GPHN: variants seen among roughly 807,000 people sequenced by gnomAD.
The protein encoded by GPHN is gephyrin.
A neutral mutation model predicts 95.5 loss-of-function variants in GPHN; 17 were observed. The observed-to-expected ratio is 0.18, with a 90% CI of 0.12 to 0.27. The LOEUF is 0.27. Among genes scored for constraint, GPHN ranks in the 10% least tolerant of loss-of-function variants. The pLI is 1.00. For synonymous variants in GPHN, 320 were observed against 322.5 expected (o/e 0.99, Z 0.08); for missense variants, 660 against 978.1 (o/e 0.67, Z 4.34).
At chr14:67,638,629 C>T in the GPHN span, among the ~76,000 whole-genome samples, 3 of 152,176 alleles carry the variant, frequency 2.0e-5, no homozygotes, top group African/African-American at 4.8e-5. Flanking sequence ...GAGTTGAGTT[C>T]GTTCTTCCTG....
intron 1 of GPHN, among the ~76,000 whole-genome samples, chr14:66,537,479 C>T (rs1252111343): frequency 1.3e-5 from 2 of 152,046 alleles, no homozygotes; most frequent in East Asian, 1.9e-4. Flanking sequence ...TTACCACTTC[C>T]CAAACAATGC....
At chr14:67,380,893 A>G in the GPHN span, 2 of 465,864 alleles carry the variant, frequency 4.3e-6, no homozygotes, top group African/African-American at 4.1e-5. Flanking sequence ...GTTGTTTTTT[A>G]TAACAAAAGC....
chr14:67,598,607 G>A, the GPHN span, among the ~76,000 whole-genome samples: 1 of 151,942 alleles, frequency 6.6e-6, no homozygotes, highest in Non-Finnish European at 1.5e-5. Context: ...ACATACATAG[G>A]CTATAAGAAC....
chr14:67,539,208 T>C, the GPHN span, among the ~76,000 whole-genome samples: 2 of 152,184 alleles, frequency 1.3e-5, no homozygotes, highest in Non-Finnish European at 2.9e-5. Flanking sequence ...CTCCCGGCCT[T>C]CTCTGAGAGC....
chr14:67,531,946 T>G, the GPHN span, among the ~76,000 whole-genome samples: 9 of 149,978 alleles, frequency 6.0e-5, no homozygotes, highest in South Asian at 2.1e-4. Flanking sequence ...ATGAATGAAT[T>G]AATGTCTTCT....
chr14:67,272,857 T>C, the GPHN span, among the ~76,000 whole-genome samples: 1 of 152,068 alleles, frequency 6.6e-6, no homozygotes, highest in Non-Finnish European at 1.5e-5. Context: ...TTTGTAGAGA[T>C]GGGGTATCAC....
intron 2 of GPHN, among the ~76,000 whole-genome samples, chr14:66,720,224 A>C (rs980895848): frequency 4.6e-5 from 7 of 152,188 alleles, no homozygotes; most frequent in Non-Finnish European, 5.9e-5. Context: ...AAGATTGTCT[A>C]AAAATAAAGA....
chr14:66,581,838 G>C (rs1187388344), intron 1 of GPHN, among the ~76,000 whole-genome samples: 2 of 151,914 alleles, frequency 1.3e-5, no homozygotes, highest in African/African-American at 4.8e-5. Flanking sequence ...TTATGAAGAA[G>C]ATATAACAAT....
rs1042333571 is a variant in GPHN, at chr14:66,628,175, A to G, written c.65-52932A>G. 3.3e-5 allele frequency among the ~76,000 whole-genome samples: 5 copies of G among 152,206 alleles called. No homozygotes were observed. In the South Asian group the frequency reaches 1.0e-3, roughly 31 times the overall value. ...AATTGAATAAAGAAAATGCAAAGTT[A>G]TGAAAAACACCAGTACTTTGATTAT... On this transcript the variant is annotated intron_variant, in intron 1 of 22. Transcript: ENST00000478722.
the GPHN span, among the ~76,000 whole-genome samples, chr14:67,206,636 TC>T: frequency 6.6e-6 from 1 of 152,148 alleles, no homozygotes; most frequent in Admixed American, 6.6e-5. Flanking sequence ...TTCAAGATGA[TC>T]TAAGTAGACG....
chr14:67,593,607 AT>A, the GPHN span: 1 of 602,562 alleles, frequency 1.7e-6, no homozygotes, highest in African/African-American at 1.9e-5. Context: ...AACCTGCTGC[AT>A]CTCTTTAAAA....
At chr14:67,651,455 G>C in the GPHN span, 2 of 1,613,952 alleles carry the variant, frequency 1.2e-6, no homozygotes, top group Non-Finnish European at 1.7e-6. Context: ...GATGATAATG[G>C]AAAGCAGCAG....
intron 1 of GPHN, among the ~76,000 whole-genome samples, chr14:66,654,734 T>C (rs921453469): frequency 1.3e-5 from 2 of 152,236 alleles, no homozygotes; most frequent in African/African-American, 2.4e-5. Context: ...TGTCTAGCAC[T>C]ACTCCAGAAG....
At chr14:66,599,255 C>T (rs1437687942) in intron 1 of GPHN, among the ~76,000 whole-genome samples, 3 of 151,840 alleles carry the variant, frequency 2.0e-5, no homozygotes, top group Admixed American at 2.0e-4. Context: ...AAACATGAAT[C>T]CCAAATTTAT....
intron 1 of GPHN, among the ~76,000 whole-genome samples, chr14:66,641,998 AAC>A (rs941677957): frequency 1.3e-5 from 2 of 152,160 alleles, no homozygotes; most frequent in Non-Finnish European, 2.9e-5. Flanking sequence ...CATTTTCTGT[AAC>A]ACAATACTAG....
At chr14:66,562,011 C>T (rs987511209) in intron 1 of GPHN, among the ~76,000 whole-genome samples, 10 of 152,096 alleles carry the variant, frequency 6.6e-5, no homozygotes, top group African/African-American at 2.4e-4. Flanking sequence ...GCCCTATTCT[C>T]TTTCTTTGAA....
chr14:67,039,743 A>T (rs77362986), intron 10 of GPHN, among the ~76,000 whole-genome samples: 1 of 152,198 alleles, frequency 6.6e-6, no homozygotes, highest in South Asian at 2.1e-4. Context: ...CAGTGAGCTG[A>T]GATCAAGCCA....
the GPHN span, among the ~76,000 whole-genome samples, chr14:67,581,281 C>CAA: frequency 6.6e-6 from 1 of 151,616 alleles, no homozygotes; most frequent in African/African-American, 2.4e-5. Flanking sequence ...TATGCACACA[C>CAA]ACACACACAC....
chr14:67,319,647 A>C, the GPHN span, among the ~76,000 whole-genome samples: 13 of 151,870 alleles, frequency 8.6e-5, no homozygotes, highest in African/African-American at 3.1e-4. Context: ...ACAATCTCAC[A>C]GTGTTTTAAG....
Sources: allele counts gnomAD v4.1 joint callset (sites outside exome capture counted in the v4.1 genomes callset), GRCh38; gene constraint gnomAD v4.1.1; transcripts MANE v1.5; gene names NCBI Gene and HGNC (gene_info 2026-07-23, HGNC 2026-07-21).